Variants in PBX3 observed in about 807,000 individuals in gnomAD.
PBX3 encodes the protein pre-B-cell leukemia transcription factor 3.
PBX3 carries 14 observed loss-of-function variants against 48.5 expected under a neutral mutation model. The observed-to-expected ratio is 0.29, with a 90% CI of 0.19 to 0.45. PBX3 has a LOEUF of 0.45. Among genes scored for constraint, PBX3 ranks in the 20% least tolerant of loss-of-function variants. The pLI is 1.00. For missense variants in PBX3, 386 were observed against 546.7 expected (o/e 0.71, Z 2.93); for synonymous variants, 210 against 200.3 (o/e 1.05, Z -0.41).
intron 2 of PBX3, among the ~76,000 whole-genome samples, chr9:125,783,404 C>A (rs1837375042): frequency 6.6e-6 from 1 of 152,058 alleles, no homozygotes; most frequent in Non-Finnish European, 1.5e-5. Flanking sequence ...TCTCCTGCCT[C>A]CGCCTCCTGA....
chr9:125,938,106 A>G (rs12554836), intron 5 of PBX3, among the ~76,000 whole-genome samples: 3,431 of 152,324 alleles, frequency 0.023, 59 homozygotes, highest in Middle Eastern at 0.054. Flanking sequence ...GAATAACACT[A>G]TTTTTACTAG....
chr9:125,835,458 A>G (rs1839105221), intron 2 of PBX3, among the ~76,000 whole-genome samples: 1 of 152,220 alleles, frequency 6.6e-6, no homozygotes, highest in Non-Finnish European at 1.5e-5. Flanking sequence ...AGTATTTGCA[A>G]GCTATTTAAT....
chr9:125,923,615 G>T (rs1841502149), intron 3 of PBX3, among the ~76,000 whole-genome samples: 1 of 152,074 alleles, frequency 6.6e-6, no homozygotes, highest in Non-Finnish European at 1.5e-5. Flanking sequence ...ACCCAGGCTG[G>T]AGTACAGTGG....
chr9:125,891,337 A>G (rs1564158997), intron 2 of PBX3, among the ~76,000 whole-genome samples: 1 of 152,226 alleles, frequency 6.6e-6, no homozygotes, highest in Non-Finnish European at 1.5e-5. Context: ...TAAAGATGCA[A>G]CTATCTAAAA....
chr9:125,905,843 T>C (rs1243789159), intron 2 of PBX3, among the ~76,000 whole-genome samples: 1 of 152,046 alleles, frequency 6.6e-6, no homozygotes, highest in Non-Finnish European at 1.5e-5. Context: ...GAAGTCTTGT[T>C]TGTGTTATTT....
chr9:125,783,898 C>T (rs377193438), intron 2 of PBX3, among the ~76,000 whole-genome samples: 13 of 151,960 alleles, frequency 8.6e-5, no homozygotes, highest in Non-Finnish European at 1.8e-4. Flanking sequence ...CTACTCTGGA[C>T]GCTGAGGTGG....
chr9:125,889,228 G>A (rs547043942), intron 2 of PBX3, among the ~76,000 whole-genome samples: 1 of 152,294 alleles, frequency 6.6e-6, no homozygotes, highest in East Asian at 1.9e-4. Flanking sequence ...TCACTGACCC[G>A]TGGAGAGCTG....
chr9:125,935,388 T>C lies in PBX3; in HGVS notation c.708-84T>C, dbSNP rs1008339764. 6.6e-6 allele frequency: 8 copies of C among 1,209,956 alleles called. No individual in the cohort carries two copies. The African/African-American group carries it at 9.1e-5, about 14-fold the overall frequency. The allele number at this position is 1,209,956 out of a possible 1,614,324, so 75.0% of individuals were successfully genotyped here. ...GGATGTTTAAAAAGAGAAATCTACT[T>C]TTTTGGTATCATCCTAATTAACCCA... is the stretch of plus-strand genomic sequence containing the variant. On this transcript the variant is annotated intron_variant, in intron 4 of 8. Coordinates refer to ENST00000373489, the MANE Select transcript of PBX3 (RefSeq NM_006195.6).
At chr9:125,852,418 C>T (rs915846648) in intron 2 of PBX3, among the ~76,000 whole-genome samples, 2 of 152,028 alleles carry the variant, frequency 1.3e-5, no homozygotes, top group African/African-American at 2.4e-5. Context: ...TAATTCAAGC[C>T]GTTAATGTGG....
intron 2 of PBX3, among the ~76,000 whole-genome samples, chr9:125,849,372 A>T (rs917851846): frequency 6.6e-6 from 1 of 151,988 alleles, no homozygotes; most frequent in Non-Finnish European, 1.5e-5. Context: ...GATTTAAAAA[A>T]AAAAAAGGAA....
At chr9:125,891,227 A>G (rs1840633933) in intron 2 of PBX3, among the ~76,000 whole-genome samples, 1 of 152,256 alleles carries the variant, frequency 6.6e-6, no homozygotes, top group Non-Finnish European at 1.5e-5. Flanking sequence ...CTATAAGGAA[A>G]ACATTGATCT....
At chr9:125,824,806 G>A (rs1267278342) in intron 2 of PBX3, among the ~76,000 whole-genome samples, 1 of 151,892 alleles carries the variant, frequency 6.6e-6, no homozygotes, top group Non-Finnish European at 1.5e-5. Flanking sequence ...TGTAGCCGCA[G>A]CTGTTGTTAT....
intron 2 of PBX3, among the ~76,000 whole-genome samples, chr9:125,773,380 G>A (rs542703516): frequency 6.6e-6 from 1 of 152,274 alleles, no homozygotes; most frequent in Admixed American, 6.5e-5. Flanking sequence ...CCACCTCTGA[G>A]TCTGCTGATA....
rs745638368 is a variant in PBX3, at chr9:125,835,015, C to CA, written c.275-80635dup. Among the ~76,000 whole-genome samples, 80 of 25,170 alleles carry CA rather than the reference C, an allele frequency of 3.2e-3. 8 individuals carry two copies. The highest frequency in any genetic ancestry group is 4.8e-3 in the Non-Finnish European group (68 of 14,028). The allele number at this position is 25,170 out of a possible 152,430, so 16.5% of individuals were successfully genotyped here. The stretch of plus-strand genomic sequence containing the variant: ...CTCGGTGACGAGCAAAACTCTGTCT[C>CA]AAAAAAAAAAAAAAAAAAAAAAAAA... On this transcript the variant is annotated intron_variant, in intron 2 of 8. Transcript: ENST00000373489.
chr9:125,839,482 A>G (rs13293667), intron 2 of PBX3, among the ~76,000 whole-genome samples: 81,181 of 152,084 alleles, frequency 0.53, 22,944 homozygotes, highest in South Asian at 0.63. Flanking sequence ...AAATAACCCT[A>G]TAACAGAAAT....
chr9:125,810,802 A>G (rs1432579574), intron 2 of PBX3, among the ~76,000 whole-genome samples: 1 of 152,184 alleles, frequency 6.6e-6, no homozygotes, highest in Non-Finnish European at 1.5e-5. Context: ...TGCTGTGTGG[A>G]ATCTGTCCTG....
chr9:125,806,622 C>G (rs1008136756), intron 2 of PBX3, among the ~76,000 whole-genome samples: 5 of 152,154 alleles, frequency 3.3e-5, no homozygotes, highest in Admixed American at 3.3e-4. Context: ...CCTGTTAATA[C>G]TGTTGCTTTG....
chr9:125,901,995 A>C (rs1840956658), intron 2 of PBX3, among the ~76,000 whole-genome samples: 1 of 151,538 alleles, frequency 6.6e-6, no homozygotes. Flanking sequence ...TGTTAGAGAA[A>C]CCCAAATCTT....
intron 2 of PBX3, among the ~76,000 whole-genome samples, chr9:125,782,184 T>A (rs1837338884): frequency 6.6e-6 from 1 of 152,158 alleles, no homozygotes. Context: ...GGCCTCATAA[T>A]CATGGTGGAA....
Sources: allele counts gnomAD v4.1 joint callset (sites outside exome capture counted in the v4.1 genomes callset), GRCh38; gene constraint gnomAD v4.1.1; transcripts MANE v1.5; gene names NCBI Gene and HGNC (gene_info 2026-07-23, HGNC 2026-07-21).